HMG20A: variants seen among roughly 807,000 people sequenced by gnomAD.
HMG20A encodes the protein high mobility group protein 20A.
Under a neutral mutation model 43.9 loss-of-function variants are expected in HMG20A, and 17 were observed. The observed-to-expected ratio is 0.39, with a 90% CI of 0.27 to 0.58. HMG20A has a LOEUF of 0.58. Ranked by LOEUF, HMG20A falls within the 20% of genes least tolerant of loss-of-function variation. HMG20A has a pLI of 0.59. For synonymous variants in HMG20A, 132 were observed against 147.5 expected (o/e 0.89, Z 0.76); for missense variants, 341 against 438.2 (o/e 0.78, Z 1.98).
intron 9 of HMG20A, among the ~76,000 whole-genome samples, chr15:77,480,132 A>T (rs972340792): frequency 3.4e-4 from 48 of 141,848 alleles, no homozygotes; most frequent in Non-Finnish European, 2.6e-4. Flanking sequence ...ATCTACAAAA[A>T]ATACAAAAAA....
downstream of HMG20A, among the ~76,000 whole-genome samples, chr15:77,489,840 A>G (rs1293143250): frequency 1.3e-5 from 2 of 152,244 alleles, no homozygotes; most frequent in Non-Finnish European, 2.9e-5. Flanking sequence ...CGAGAGGCAG[A>G]GTGGCTTTGA....
At chr15:77,454,997 G>C (rs2072641153) in intron 1 of HMG20A, among the ~76,000 whole-genome samples, 1 of 152,018 alleles carries the variant, frequency 6.6e-6, no homozygotes, top group Non-Finnish European at 1.5e-5. Flanking sequence ...TATGGTTGGA[G>C]AGGGAGTGGT....
At chr15:77,511,278 T>TAC in the HMG20A span, among the ~76,000 whole-genome samples, 2 of 152,202 alleles carry the variant, frequency 1.3e-5, no homozygotes, top group South Asian at 4.1e-4. Context: ...TATATGTGTA[T>TAC]ACACACACAC....
intron 6 of HMG20A, 147 bp downstream of exon 6, chr15:77,471,961 G>T (rs944588088): frequency 7.6e-6 from 4 of 525,794 alleles, no homozygotes; most frequent in African/African-American, 2.0e-5. Flanking sequence ...TAGCTTGGGG[G>T]TTCTTAGCAT....
the HMG20A span, among the ~76,000 whole-genome samples, chr15:77,508,471 C>T: frequency 6.6e-6 from 1 of 152,226 alleles, no homozygotes; most frequent in African/African-American, 2.4e-5. Context: ...TGAGCCCATT[C>T]ATTCAGACAA....
intron 2 of HMG20A, among the ~76,000 whole-genome samples, chr15:77,463,483 AAAAC>A (rs2072725106): frequency 5.3e-5 from 8 of 152,156 alleles, no homozygotes; most frequent in Admixed American, 5.2e-4. Context: ...ATCAAAAACA[AAAAC>A]AAAAATACTC....
At chr15:77,476,498 A>AT (rs1388522066) in intron 6 of HMG20A, among the ~76,000 whole-genome samples, 4 of 86,736 alleles carry the variant, frequency 4.6e-5, no homozygotes, top group African/African-American at 1.2e-4. Flanking sequence ...AAAAAAAAAA[A>AT]AAAAAAAAAA....
the HMG20A span, among the ~76,000 whole-genome samples, chr15:77,518,690 G>A: frequency 6.6e-6 from 1 of 152,280 alleles, no homozygotes; most frequent in Non-Finnish European, 1.5e-5. Context: ...ACCACACCAC[G>A]GCTCAGCGTC....
At chr15:77,512,226 G>T in the HMG20A span, among the ~76,000 whole-genome samples, 36,884 of 152,070 alleles carry the variant, frequency 0.24, 5,187 homozygotes, top group Non-Finnish European at 0.32. Flanking sequence ...CACGGGCACA[G>T]AAAGTAGAAT....
the HMG20A span, among the ~76,000 whole-genome samples, chr15:77,492,722 G>T: frequency 1.7e-4 from 26 of 152,174 alleles, 1 homozygote; most frequent in South Asian, 2.1e-4. Flanking sequence ...GAGGTGGGAG[G>T]ATTGCTGGAG....
chr15:77,502,181 A>G, the HMG20A span, among the ~76,000 whole-genome samples: 2 of 152,262 alleles, frequency 1.3e-5, no homozygotes, highest in Admixed American at 1.3e-4. Flanking sequence ...AAATACGGCC[A>G]TGCTGGTTTA....
At chr15:77,446,579 G>T (rs983702069) in intron 1 of HMG20A, among the ~76,000 whole-genome samples, 1 of 152,084 alleles carries the variant, frequency 6.6e-6, no homozygotes, top group Non-Finnish European at 1.5e-5. Context: ...AGGCCGAGGC[G>T]GGTGGATCAC....
At chr15:77,493,259 G>A in the HMG20A span, among the ~76,000 whole-genome samples, 74 of 152,192 alleles carry the variant, frequency 4.9e-4, no homozygotes, top group Non-Finnish European at 8.2e-4. Flanking sequence ...AACTTTTTTC[G>A]ATGGTGGGGT....
chr15:77,478,385 G>A lies in HMG20A; in HGVS notation c.782G>A (p.Arg261His), dbSNP rs1238655007. The change falls in exon 8 of 10, where the codon CGC (arginine) becomes CAC (histidine). Residue 261 changes from arginine (R) to histidine (H), a missense_variant. Arg to His is a conservative substitution (Grantham distance 29). Around this residue, in one of 3 missense-constraint regions of HMG20A, gnomAD observed 118 missense variants for 154.5 expected, o/e 0.76. Coordinates refer to ENST00000336216, the MANE Select transcript of HMG20A (RefSeq NM_001304504.2). The stretch of plus-strand genomic sequence containing the variant: ...CTGCAAAAGCACGTGGAGAGCATGC[G>A]CACAGCAGTGGAGAAGCTGGAGGTG... ...AALQKHVESM[R>H]TAVEKLEVDV... 35 of 1,613,448 alleles carry A rather than the reference G, an allele frequency of 2.2e-5. No individual in the cohort carries two copies. Among genetic ancestry groups the A allele is most frequent in the Non-Finnish European group, 2.6e-5 (31 of 1,180,038 alleles).
At chr15:77,479,355 C>T in intron 9 of HMG20A, 34 bp downstream of exon 9, 1 of 1,595,532 alleles carries the variant, frequency 6.3e-7, no homozygotes, top group Non-Finnish European at 8.6e-7. Context: ...TATATGCCAG[C>T]ACATCATCAA....
At chr15:77,501,837 A>T in the HMG20A span, among the ~76,000 whole-genome samples, 1 of 152,190 alleles carries the variant, frequency 6.6e-6, no homozygotes, top group Non-Finnish European at 1.5e-5. Context: ...GCCTTAGAAG[A>T]GGGGGCAAAT....
Position 77,478,010 on chromosome 15 carries a change from C to G in HMG20A, c.692-285C>G. The G allele has an allele frequency of 7.8e-6, 4 of 511,600 alleles. No individual in the cohort carries two copies. The South Asian group carries it at 8.7e-5, about 11-fold the overall frequency. The allele number at this position is 511,600 out of a possible 1,614,324, so 31.7% of individuals were successfully genotyped here. ...AAAACCCCTCAGGCTTCTGATTGTA[C>G]AATTTAAAAAGCAAAAACTAACAAA... On this transcript the variant is annotated intron_variant, in intron 7 of 9. Coordinates refer to ENST00000336216, the MANE Select transcript of HMG20A (RefSeq NM_001304504.2).
At chr15:77,482,799 C>T (rs1488430407) in intron 9 of HMG20A, 171 bp from the exon 10 acceptor site, 3 of 152,128 alleles carry the variant, frequency 2.0e-5, no homozygotes, top group Admixed American at 1.3e-4. Flanking sequence ...CTGCTTACAG[C>T]TTTATGAGTT....
chr15:77,516,817 C>T, the HMG20A span, among the ~76,000 whole-genome samples: 1 of 152,150 alleles, frequency 6.6e-6, no homozygotes, highest in Non-Finnish European at 1.5e-5. Context: ...GAGACACAGC[C>T]TGGTTGTGTG....
Sources: gnomAD v4.1 joint callset for allele counts (sites outside exome capture counted in the v4.1 genomes callset) on GRCh38, gnomAD v4.1.1 for gene constraint, gnomAD v4.1.1 regional missense constraint, MANE v1.5 for transcripts, NCBI Gene and HGNC (gene_info 2026-07-23, HGNC 2026-07-21) for gene names.